The following NETO2 variants were observed in gnomAD, a reference collection of about 807,000 sequenced individuals.
The protein encoded by NETO2 is neuropilin and tolloid-like protein 2.
In NETO2, 28 loss-of-function variants were observed where a neutral mutation model predicts 62.5. The ratio of observed to expected loss-of-function variants is 0.45; its 90% CI spans 0.33 to 0.61. The LOEUF is 0.61. Among genes scored for constraint, NETO2 ranks in the 20% least tolerant of loss-of-function variants. The pLI is 0.02. For synonymous variants in NETO2, 214 were observed against 219.1 expected (o/e 0.98, Z 0.21); for missense variants, 548 against 643.2 (o/e 0.85, Z 1.60).
chr16:47,115,737 A>G (rs892289998), intron 6 of NETO2, among the ~76,000 whole-genome samples: 1 of 143,476 alleles, frequency 7.0e-6, no homozygotes, highest in Non-Finnish European at 1.5e-5. Context: ...ATATACATGT[A>G]TATATATATA....
In NETO2 at chr16:47,080,065, T is replaced by A. The variant is rs186306335; in HGVS notation, c.*3156A>T. 2 of 152,362 alleles carry A rather than the reference T, an allele frequency of 1.3e-5. No individual in the cohort carries two copies. Among genetic ancestry groups the A allele is most frequent in the East Asian group, 1.9e-4 (1 of 5,190 alleles). 9.4% of individuals were successfully genotyped at this position (152,362 alleles called of 1,614,324 possible). On this transcript the variant is annotated 3_prime_UTR_variant, in exon 9 of 9. Transcript: ENST00000562435. ...GACACTGACATAAGCGCTGTCGGGT[T>A]AAAGGAGTCTTTGAAATCTCTTTTG...
chr16:47,087,183 G>A (rs752492372), intron 7 of NETO2, among the ~76,000 whole-genome samples: 14 of 152,046 alleles, frequency 9.2e-5, no homozygotes, highest in Non-Finnish European at 1.6e-4. Context: ...CACGAGCCAT[G>A]CCTGGCTAAT....
intron 1 of NETO2, among the ~76,000 whole-genome samples, chr16:47,141,707 C>T (rs944854649): frequency 2.0e-5 from 3 of 152,226 alleles, no homozygotes; most frequent in African/African-American, 7.2e-5. Context: ...AATAATTCAG[C>T]TTGAGCTTTA....
rs763195602 is a variant in NETO2, at chr16:47,128,628, G to A, written c.233-55C>T. 3 of 1,560,612 alleles carry A rather than the reference G, an allele frequency of 1.9e-6. No individual in the cohort carries two copies. In the South Asian group the frequency reaches 3.5e-5, roughly 18 times the overall value. ...AACACAAACAAGAAAGAATATAAAT[G>A]TATTGACACAAATGAGAAAAGCAGA... is the stretch of plus-strand genomic sequence containing the variant. On this transcript the variant is annotated intron_variant, in intron 3 of 8. Transcript: ENST00000562435.
chr16:47,096,792 T>C (rs1315073921), intron 7 of NETO2, among the ~76,000 whole-genome samples: 1 of 152,124 alleles, frequency 6.6e-6, no homozygotes, highest in African/African-American at 2.4e-5. Flanking sequence ...CCCCATGAGA[T>C]CAAGGCAGAA....
In NETO2 at chr16:47,083,520, G is replaced by A. The variant is rs773680548; in HGVS notation, c.1279C>T (p.Arg427Cys). 1.4e-5 allele frequency: 23 copies of A among 1,614,188 alleles called. No individual in the cohort carries two copies. The South Asian group carries it at 1.5e-4, about 11-fold the overall frequency. ...ATGCAGCGGGAGGCGGTGGAGGAGC[G>A]CCGCATCTTCTGGTAGTTGTCCAAT... ...EELDNYQKMR[R>C]SSTASRCIHD... Residue 427 changes from arginine to cysteine, a missense_variant, in exon 9 of 9, where the codon CGC becomes TGC. Arg to Cys is a radical substitution (Grantham distance 180, BLOSUM62 -3). Transcript: ENST00000562435.
At chr16:47,113,627 T>C (rs1963848426) in intron 6 of NETO2, among the ~76,000 whole-genome samples, 1 of 150,414 alleles carries the variant, frequency 6.6e-6, no homozygotes, top group South Asian at 2.1e-4. Flanking sequence ...TTTTTGCTCT[T>C]GTCGCCCAGG....
chr16:47,093,032 G>C (rs541142503), intron 7 of NETO2, among the ~76,000 whole-genome samples: 1 of 152,300 alleles, frequency 6.6e-6, no homozygotes, highest in African/African-American at 2.4e-5. Flanking sequence ...GCTTCCCGCT[G>C]TGACTATGGA....
chr16:47,128,638 A>C, intron 3 of NETO2, 65 bp from the exon 4 acceptor site: 1 of 1,538,052 alleles, frequency 6.5e-7, no homozygotes, highest in Non-Finnish European at 8.7e-7. Context: ...GTATTGACAC[A>C]AATGAGAAAA....
At chr16:47,124,381 G>A (rs1045655581) in intron 4 of NETO2, among the ~76,000 whole-genome samples, 1 of 151,918 alleles carries the variant, frequency 6.6e-6, no homozygotes, top group Non-Finnish European at 1.5e-5. Context: ...AATTATCTCA[G>A]TTATGTCCAG....
In NETO2 at chr16:47,143,217, G is replaced by T. The variant is rs1044185215; in HGVS notation, c.34+362C>A. Among the ~76,000 whole-genome samples the T allele has an allele frequency of 4.6e-5, 7 of 152,092 alleles. No homozygotes were observed. In the East Asian group the frequency reaches 1.3e-3, roughly 29 times the overall value. On this transcript the variant is annotated intron_variant, in intron 1 of 8. Coordinates refer to ENST00000562435, the MANE Select transcript of NETO2 (RefSeq NM_018092.5). ...AAGAGCGGCCTCCGCTCCACGACAG[G>T]AATCTCACAACTTTGCAAAGGGATG...
At chr16:47,088,923 T>C (rs531304712) in intron 7 of NETO2, among the ~76,000 whole-genome samples, 26 of 152,292 alleles carry the variant, frequency 1.7e-4, no homozygotes, top group African/African-American at 6.0e-4. Context: ...ATCTGACAAA[T>C]GTAGGTCCAC....
intron 7 of NETO2, among the ~76,000 whole-genome samples, chr16:47,107,322 A>G (rs1483033575): frequency 3.3e-5 from 5 of 152,190 alleles, no homozygotes; most frequent in African/African-American, 1.2e-4. Flanking sequence ...CATAAAAACA[A>G]TGTACAGACA....
At chr16:47,132,749 AT>A (rs1257329865) in intron 1 of NETO2, among the ~76,000 whole-genome samples, 1 of 152,222 alleles carries the variant, frequency 6.6e-6, no homozygotes, top group Non-Finnish European at 1.5e-5. Flanking sequence ...AACTGGAGTT[AT>A]TCATTCAGTG....
chr16:47,124,293 T>C (rs1449113319), intron 4 of NETO2, among the ~76,000 whole-genome samples: 1 of 152,216 alleles, frequency 6.6e-6, no homozygotes, highest in East Asian at 1.9e-4. Context: ...ACAGGAACTG[T>C]CTGGCAGATT....
intron 1 of NETO2, among the ~76,000 whole-genome samples, chr16:47,133,662 A>AC (rs1964315350): frequency 7.3e-6 from 1 of 137,402 alleles, no homozygotes; most frequent in Non-Finnish European, 1.6e-5. Context: ...AAAATAAAAT[A>AC]AAAACATGGA....
In NETO2 at chr16:47,082,397, G is replaced by A. The variant is rs1333288713; in HGVS notation, c.*824C>T. 6.6e-6 allele frequency: 1 copy of A among 152,224 alleles called. No homozygotes were observed. The highest frequency in any genetic ancestry group is 1.5e-5 in the Non-Finnish European group (1 of 68,034). 9.4% of individuals were successfully genotyped at this position (152,224 alleles called of 1,614,324 possible). A position where few individuals can be genotyped will look rare whatever the true frequency, so the allele number is the denominator to read the frequency against. ...GATTCTTTACTGGAATGAATGGGCTGTCACTGAATGTGACTATACTTGGTA... is the reference window on the plus strand; with the variant it reads ...GATTCTTTACTGGAATGAATGGGCTATCACTGAATGTGACTATACTTGGTA... On this transcript the variant is annotated 3_prime_UTR_variant, in exon 9 of 9. Coordinates refer to ENST00000562435, the MANE Select transcript of NETO2 (RefSeq NM_018092.5).
intron 1 of NETO2, among the ~76,000 whole-genome samples, chr16:47,133,916 T>C (rs1307621709): frequency 2.6e-5 from 4 of 152,218 alleles, no homozygotes; most frequent in Admixed American, 2.6e-4. Flanking sequence ...CTAATGGTTG[T>C]GTGGGGTCTA....
intron 7 of NETO2, among the ~76,000 whole-genome samples, chr16:47,090,150 C>T (rs1318810776): frequency 1.3e-5 from 2 of 152,076 alleles, no homozygotes; most frequent in Non-Finnish European, 2.9e-5. Context: ...CAAAGGTGGC[C>T]TTAAAGACAG....
Sources: allele counts gnomAD v4.1 joint callset (sites outside exome capture counted in the v4.1 genomes callset), GRCh38; gene constraint gnomAD v4.1.1; transcripts MANE v1.5; gene names NCBI Gene and HGNC (gene_info 2026-07-23, HGNC 2026-07-21).